CFAP299: variants seen among roughly 807,000 people sequenced by gnomAD.
CFAP299 encodes the protein cilia- and flagella-associated protein 299.
In CFAP299, 21 loss-of-function variants were observed where a neutral mutation model predicts 27.0. That is an observed-to-expected ratio of 0.78 (90% CI 0.55 to 1.12). The LOEUF (loss-of-function observed/expected upper bound fraction) is 1.12. Among genes scored for constraint, CFAP299 ranks in the 50% most tolerant of loss-of-function variants. The pLI, the probability that CFAP299 is intolerant of heterozygous loss-of-function variation, is 0.00. For synonymous variants in CFAP299, 104 were observed against 98.1 expected (o/e 1.06, Z -0.36); for missense variants, 310 against 276.6 (o/e 1.12, Z -0.86).
chr4:80,328,282 G>A, the CFAP299 span, among the ~76,000 whole-genome samples: 95,710 of 152,008 alleles, frequency 0.63, 31,082 homozygotes, highest in Non-Finnish European at 0.72. Flanking sequence ...TGAGATTCTA[G>A]AATGTGCTTG....
At chr4:80,621,708 AG>A (rs993709069) in intron 3 of CFAP299, among the ~76,000 whole-genome samples, 11 of 152,182 alleles carry the variant, frequency 7.2e-5, no homozygotes. Flanking sequence ...TAATTATAAA[AG>A]TAATATGATA....
chr4:80,945,328 A>G (rs1737419321), intron 5 of CFAP299, among the ~76,000 whole-genome samples: 1 of 152,222 alleles, frequency 6.6e-6, no homozygotes, highest in Admixed American at 6.5e-5. Context: ...ATTTGTACCC[A>G]GAATTCTAAT....
chr4:80,881,537 A>T (rs1733706215), intron 4 of CFAP299, among the ~76,000 whole-genome samples: 1 of 150,958 alleles, frequency 6.6e-6, no homozygotes, highest in Non-Finnish European at 1.5e-5. Flanking sequence ...TTCCAGCCTT[A>T]CAGTGTGCTC....
At chr4:80,497,804 A>G (rs532621814) in intron 2 of CFAP299, among the ~76,000 whole-genome samples, 1 of 152,328 alleles carries the variant, frequency 6.6e-6, no homozygotes, top group East Asian at 1.9e-4. Flanking sequence ...TAGCATAAGC[A>G]ATCCTAAGCA....
At chr4:80,941,617 C>T (rs114608637) in intron 4 of CFAP299, among the ~76,000 whole-genome samples, 77 of 152,172 alleles carry the variant, frequency 5.1e-4, no homozygotes, top group Non-Finnish European at 9.0e-4. Context: ...TGTCTGTTCT[C>T]GCACTACTAT....
chr4:80,546,716 T>G (rs1734244806), intron 2 of CFAP299, among the ~76,000 whole-genome samples: 1 of 152,160 alleles, frequency 6.6e-6, no homozygotes, highest in African/African-American at 2.4e-5. Flanking sequence ...CTCTTGCTCC[T>G]GCTTTTGCCA....
chr4:80,516,523 A>G (rs549174160), intron 2 of CFAP299, among the ~76,000 whole-genome samples: 86 of 152,166 alleles, frequency 5.7e-4, no homozygotes, highest in African/African-American at 2.0e-3. Flanking sequence ...GTAAGAGGGA[A>G]ATTGGGGAGG....
At chr4:80,893,276 AAAT>A (rs1191900078) in intron 4 of CFAP299, among the ~76,000 whole-genome samples, 1 of 151,794 alleles carries the variant, frequency 6.6e-6, no homozygotes, top group Non-Finnish European at 1.5e-5. Flanking sequence ...GGATTGAAAA[AAAT>A]AACATTATTA....
At chr4:80,684,774 T>C (rs1162278958) in intron 3 of CFAP299, among the ~76,000 whole-genome samples, 2 of 152,194 alleles carry the variant, frequency 1.3e-5, no homozygotes, top group Non-Finnish European at 2.9e-5. Flanking sequence ...CACATTACAG[T>C]CACTGTCATG....
chr4:80,453,801 A>C (rs1037322743), intron 2 of CFAP299, among the ~76,000 whole-genome samples: 1 of 149,770 alleles, frequency 6.7e-6, no homozygotes, highest in Admixed American at 6.7e-5. Flanking sequence ...AGATCTCACC[A>C]CTACACTCCA....
rs184258481 is a variant in CFAP299, at chr4:80,946,822, G to C, written c.606+1883G>C. 7.3e-3 allele frequency among the ~76,000 whole-genome samples: 1,106 copies of C among 152,224 alleles called. 9 individuals carry two copies. The highest frequency in any genetic ancestry group is 0.025 in the African/African-American group (1,033 of 41,542). On this transcript the variant is annotated intron_variant, in intron 5 of 5. Transcript: ENST00000358105. ...GGGTGTCAAAATGAGATCAGTAGGGGCAAAGTACAGAAAACTTAATAAATA... is the reference window on the plus strand; with the variant it reads ...GGGTGTCAAAATGAGATCAGTAGGGCCAAAGTACAGAAAACTTAATAAATA...
intron 2 of CFAP299, among the ~76,000 whole-genome samples, chr4:80,378,701 G>A (rs1456002335): frequency 2.6e-5 from 4 of 151,936 alleles, no homozygotes; most frequent in African/African-American, 9.7e-5. Context: ...CTTTTAGTTT[G>A]TTGATAAAGT....
At chr4:80,510,687 C>G (rs1325158613) in intron 2 of CFAP299, among the ~76,000 whole-genome samples, 1 of 152,116 alleles carries the variant, frequency 6.6e-6, no homozygotes, top group Non-Finnish European at 1.5e-5. Context: ...TAAAATAACA[C>G]CAATATATGC....
At chr4:80,887,591 CA>C (rs1734034781) in intron 4 of CFAP299, among the ~76,000 whole-genome samples, 1 of 152,010 alleles carries the variant, frequency 6.6e-6, no homozygotes, top group Admixed American at 6.6e-5. Context: ...GAGAGTTCTT[CA>C]ATCTGAAAGA....
intron 2 of CFAP299, among the ~76,000 whole-genome samples, chr4:80,392,980 G>A (rs1250284991): frequency 6.6e-6 from 1 of 152,166 alleles, no homozygotes; most frequent in Non-Finnish European, 1.5e-5. Context: ...TATCATAGGA[G>A]ATGACAGCTC....
At chr4:80,781,042 C>A (rs1438920470) in intron 3 of CFAP299, among the ~76,000 whole-genome samples, 1 of 151,800 alleles carries the variant, frequency 6.6e-6, no homozygotes, top group African/African-American at 2.4e-5. Flanking sequence ...AACATTATTA[C>A]ACCTCATTTT....
intron 3 of CFAP299, among the ~76,000 whole-genome samples, chr4:80,825,114 C>G (rs1212249576): frequency 6.6e-6 from 1 of 151,358 alleles, no homozygotes; most frequent in Non-Finnish European, 1.5e-5. Flanking sequence ...CTAAAAAATA[C>G]AATAACTGAA....
chr4:80,621,209 A>G (rs1244399816), intron 3 of CFAP299, among the ~76,000 whole-genome samples: 1 of 152,092 alleles, frequency 6.6e-6, no homozygotes, highest in Non-Finnish European at 1.5e-5. Context: ...GATGATTTGA[A>G]TGTTGGCACC....
chr4:80,431,495 C>T (rs977081584), intron 2 of CFAP299, among the ~76,000 whole-genome samples: 1 of 151,110 alleles, frequency 6.6e-6, no homozygotes, highest in African/African-American at 2.4e-5. Context: ...CCGTTTCCTC[C>T]TCCTCCTCCT....
Sources: allele counts gnomAD v4.1 joint callset (sites outside exome capture counted in the v4.1 genomes callset), GRCh38; gene constraint gnomAD v4.1.1; transcripts MANE v1.5; gene names NCBI Gene and HGNC (gene_info 2026-07-23, HGNC 2026-07-21).